The following ACTR8 variants were observed in gnomAD, a reference collection of about 807,000 sequenced individuals.
The protein encoded by ACTR8 is actin-related protein 8.
ACTR8 carries 70 observed loss-of-function variants against 84.3 expected under a neutral mutation model. The observed-to-expected ratio is 0.83, with a 90% CI of 0.68 to 1.01. ACTR8 has a LOEUF of 1.01. ACTR8 is among the 50% of genes least tolerant of loss of function. The probability of loss-of-function intolerance (pLI) is 0.00; values close to 1 mark genes in which losing one functional copy is unlikely to be tolerated. For missense variants in ACTR8, 672 were observed against 775.4 expected, an observed-to-expected ratio of 0.87 and a Z score of 1.58; for synonymous variants, 268 against 275.2, an observed-to-expected ratio of 0.97 and a Z score of 0.26.
chr3:53,869,883 T>G, intron 12 of ACTR8, 99 bp downstream of exon 12: 1 of 1,416,428 alleles, frequency 7.1e-7, no homozygotes, highest in Non-Finnish European at 9.6e-7. Context: ...CCTCAAGAAC[T>G]CCTCAGACAC....
downstream of ACTR8, among the ~76,000 whole-genome samples, chr3:53,863,518 G>A (rs1699648081): frequency 6.6e-6 from 1 of 152,224 alleles, no homozygotes; most frequent in Non-Finnish European, 1.5e-5. Context: ...AGCCACAGGG[G>A]CACCTGGACC....
chr3:53,871,661 G>A (rs1173911695), intron 10 of ACTR8, among the ~76,000 whole-genome samples, 165 bp from the exon 11 acceptor site: 2 of 152,180 alleles, frequency 1.3e-5, no homozygotes, highest in Non-Finnish European at 2.9e-5. Flanking sequence ...ATGAGAGACG[G>A]TGCACAGATG....
chr3:53,877,511 T>TC lies in ACTR8; in HGVS notation c.511-125dup. Reference sequence around the variant, plus strand: ...AGAAATGTTGAGAGTGAAGTAGGAGTCGGTGTGACTATCTGGTACTCAAAG... The same window carrying TC: ...AGAAATGTTGAGAGTGAAGTAGGAGTCCGGTGTGACTATCTGGTACTCAAAG... On this transcript the variant is annotated intron_variant, in intron 4 of 12. Transcript: ENST00000335754. 8.5e-6 allele frequency: 11 copies of TC among 1,301,472 alleles called. No individual in the cohort carries two copies. In the South Asian group the frequency reaches 1.6e-4, roughly 19 times the overall value. The allele number at this position is 1,301,472 out of a possible 1,614,324, so 80.6% of individuals were successfully genotyped here.
rs778651695 is a variant in ACTR8 at position 53,871,182 on chromosome 3, ACTG to A, written c.1567+47_1567+49del. The A allele has an allele frequency of 2.5e-6, 4 of 1,587,428 alleles. No homozygotes were observed. The East Asian group carries it at 9.0e-5, about 36-fold the overall frequency. On this transcript the variant is annotated intron_variant, in intron 11 of 12. Coordinates refer to ENST00000335754, the MANE Select transcript of ACTR8 (RefSeq NM_022899.5). ...ATCCTAGACTGAACCAATTTATTTA[ACTG>A]CTATCTTGTTTCACTGCTATCTCCC...
At chr3:53,864,692 T>G (rs529594641), downstream of ACTR8, 2 of 1,335,070 alleles carry the variant, frequency 1.5e-6, no homozygotes, top group East Asian at 4.6e-5. Context: ...GTTTACAGAG[T>G]GAAAGCCTGC....
At chr3:53,871,153 G>A in intron 11 of ACTR8, 79 bp downstream of exon 11, 1 of 1,536,798 alleles carries the variant, frequency 6.5e-7, no homozygotes, top group East Asian at 2.3e-5. Flanking sequence ...TACTGCACAA[G>A]TATATCCTAG....
At chr3:53,869,347 A>T (rs1699848897) in intron 12 of ACTR8, among the ~76,000 whole-genome samples, 1 of 152,210 alleles carries the variant, frequency 6.6e-6, no homozygotes, top group Non-Finnish European at 1.5e-5. Flanking sequence ...AAAACTTTTA[A>T]ATTTTTATAA....
At position 53,871,377 on chromosome 3, in the gene ACTR8, C is replaced by A. The variant is rs1699881047; in HGVS notation, c.1422G>T (p.Gly474=). 2.5e-6 allele frequency: 4 copies of A among 1,614,222 alleles called. No individual in the cohort carries two copies. The highest frequency in any genetic ancestry group is 2.5e-6 in the Non-Finnish European group (3 of 1,180,040). Residue 474 remains glycine (G), a synonymous_variant, in exon 11 of 13, where the codon GGG becomes GGT. Coordinates refer to ENST00000335754, the MANE Select transcript of ACTR8 (RefSeq NM_022899.5). ...CCATCAGGCCATCTCCCTGTGCAGACCCCAAATCTACCTCCTGGGAATGGA... is the reference window on the plus strand; with the variant it reads ...CCATCAGGCCATCTCCCTGTGCAGAACCCAAATCTACCTCCTGGGAATGGA... ...ERLHSQEVDL[G]SAQGDGLMAG...
At chr3:53,859,023 C>A in the ACTR8 span, 1 of 490,168 alleles carries the variant, frequency 2.0e-6, no homozygotes, top group South Asian at 3.4e-5. Flanking sequence ...TTTGTAAAAC[C>A]ACTCGTGACT....
downstream of ACTR8, chr3:53,865,011 C>T (rs3733078): frequency 7.1e-5 from 115 of 1,614,044 alleles, no homozygotes; most frequent in East Asian, 3.6e-4. Context: ...ACAGTGTGTG[C>T]GATGGTACCT....
At chr3:53,869,930 CA>C in intron 12 of ACTR8, 51 bp downstream of exon 12, 1 of 1,597,714 alleles carries the variant, frequency 6.3e-7, no homozygotes, top group Non-Finnish European at 8.6e-7. Flanking sequence ...TGTCCACATA[CA>C]AGGCTGGTTT....
chr3:53,878,676 T>C (rs1159078691), intron 2 of ACTR8, among the ~76,000 whole-genome samples: 3 of 152,108 alleles, frequency 2.0e-5, no homozygotes, highest in Non-Finnish European at 4.4e-5. Flanking sequence ...TACAAGAAAT[T>C]AGCTGGGTGT....
intron 3 of ACTR8, among the ~76,000 whole-genome samples, chr3:53,878,064 T>C (rs1700003015): frequency 6.6e-6 from 1 of 152,214 alleles, no homozygotes; most frequent in African/African-American, 2.4e-5. Flanking sequence ...TGGTTTATCA[T>C]ATGAAATTGA....
At position 53,876,093 on chromosome 3, in the gene ACTR8, A is replaced by AT. The variant is rs772346640; in HGVS notation, c.779-14_779-13insA. The AT allele has an allele frequency of 1.8e-5, 28 of 1,553,798 alleles. No homozygotes were observed. In the Admixed American group the frequency reaches 4.2e-4, roughly 23 times the overall value. On this transcript the variant is annotated splice_polypyrimidine_tract_variant and intron_variant, in intron 6 of 12. Coordinates refer to ENST00000335754, the MANE Select transcript of ACTR8 (RefSeq NM_022899.5). ...TGGACCACAATCCCTGGGGGGGGAA[A>AT]AGAAAAGGCAGAGTAGTCATTAGCT...
Position 53,877,358 on chromosome 3 carries a change from G to A in ACTR8, c.540C>T (p.Tyr180=). The change falls in exon 5 of 13, where the codon TAC becomes TAT. Residue 180 remains tyrosine, a synonymous_variant. Coordinates refer to ENST00000335754, the MANE Select transcript of ACTR8 (RefSeq NM_022899.5). ...EALYVNPLDC[Y]NIHWPIRRGQ... ...CTCTTCTGATAGGCCAGTGAATATT[G>A]TAACAGTCCAGTGGATTAACATACA... The A allele has an allele frequency of 2.5e-6, 4 of 1,612,726 alleles. No individual in the cohort carries two copies. Among genetic ancestry groups the A allele is most frequent in the Non-Finnish European group, 3.4e-6 (4 of 1,179,612 alleles).
intron 12 of ACTR8, among the ~76,000 whole-genome samples, chr3:53,869,748 G>T (rs3752721): frequency 0.085 from 13,008 of 152,166 alleles, 709 homozygotes; most frequent in East Asian, 0.23. Flanking sequence ...AACAAAGGTG[G>T]AATTCAGTCA....
At chr3:53,880,298 C>T (rs571709698) in intron 1 of ACTR8, among the ~76,000 whole-genome samples, 189 bp from the exon 2 acceptor site, 11 of 152,296 alleles carry the variant, frequency 7.2e-5, no homozygotes, top group Admixed American at 5.2e-4. Flanking sequence ...ATTATGTTCC[C>T]TTGACCTGAG....
At chr3:53,860,151 G>A in the ACTR8 span, 2 of 1,614,000 alleles carry the variant, frequency 1.2e-6, no homozygotes, top group Admixed American at 1.7e-5. Context: ...CCGGGAGGCT[G>A]GCTGCCTCTC....
chr3:53,865,026 C>CA (rs1699731309), downstream of ACTR8: 3 of 1,614,176 alleles, frequency 1.9e-6, no homozygotes, highest in Non-Finnish European at 2.5e-6. Flanking sequence ...GTACCTGTGG[C>CA]AAGAGCGAGG....
Sources: allele counts gnomAD v4.1 joint callset (sites outside exome capture counted in the v4.1 genomes callset), GRCh38; gene constraint gnomAD v4.1.1; transcripts MANE v1.5; gene names NCBI Gene and HGNC (gene_info 2026-07-23, HGNC 2026-07-21).